IFNGR2: variants seen among roughly 807,000 people sequenced by gnomAD.
The protein encoded by IFNGR2 is interferon gamma receptor 2.
In IFNGR2, 15 loss-of-function variants were observed where a neutral mutation model predicts 41.1. That is an observed-to-expected ratio of 0.37 (90% CI 0.24 to 0.56). The LOEUF (loss-of-function observed/expected upper bound fraction) is 0.56, where lower values mean the gene tolerates loss of function less well. Among genes scored for constraint, IFNGR2 ranks in the 20% least tolerant of loss-of-function variants. The pLI is 0.81. For synonymous variants in IFNGR2, 161 were observed against 171.6 expected, an observed-to-expected ratio of 0.94 and a Z score of 0.48; for missense variants, 362 against 415.7, an observed-to-expected ratio of 0.87 and a Z score of 1.12.
At position 33,410,816 on chromosome 21, in the gene IFNGR2, A is replaced by C. The variant is rs1002406431; in HGVS notation, c.74-4072A>C. The C allele has an allele frequency of 1.6e-5, 24 of 1,496,170 alleles. No homozygotes were observed. The African/African-American group carries it at 2.4e-4, about 15-fold the overall frequency. 92.7% of individuals were successfully genotyped at this position (1,496,170 alleles called of 1,614,324 possible). A position where few individuals can be genotyped will look rare whatever the true frequency, so the allele number is the denominator to read the frequency against. On this transcript the variant is annotated intron_variant, in intron 1 of 6. Transcript: ENST00000290219. ...TGTATTTTTAAAATTCATAACTCATAATCTAAAATTTATGCTCAGCACAGC... is the reference window on the plus strand; with the variant it reads ...TGTATTTTTAAAATTCATAACTCATCATCTAAAATTTATGCTCAGCACAGC...
At position 33,437,062 on chromosome 21, in the gene IFNGR2, T is replaced by C. The variant is rs974750266; in HGVS notation, c.*100T>C. ...CTTTCCAGAGACCAGTATTCCCTTTTGCTGCCTCTAAAAGGCCTGTCCCTG... is the reference window on the plus strand; with the variant it reads ...CTTTCCAGAGACCAGTATTCCCTTTCGCTGCCTCTAAAAGGCCTGTCCCTG... On this transcript the variant is annotated 3_prime_UTR_variant, in exon 7 of 7. Transcript: ENST00000290219. The C allele has an allele frequency of 1.8e-5, 23 of 1,271,380 alleles. No homozygotes were observed. Among genetic ancestry groups the C allele is most frequent in the Non-Finnish European group, 2.4e-5 (21 of 880,986 alleles). The allele number at this position is 1,271,380 out of a possible 1,614,324, so 78.8% of individuals were successfully genotyped here.
intron 1 of IFNGR2, chr21:33,410,779 C>T: frequency 1.6e-6 from 2 of 1,224,762 alleles, no homozygotes; most frequent in Non-Finnish European, 2.4e-6. Flanking sequence ...ATTAGAATAA[C>T]TTTTTACATG....
intron 3 of IFNGR2, among the ~76,000 whole-genome samples, chr21:33,426,413 C>CA (rs2083836242): frequency 1.3e-5 from 2 of 150,560 alleles, no homozygotes; most frequent in Non-Finnish European, 3.0e-5. Context: ...GATTCCATCT[C>CA]AAAAATGAAT....
At chr21:33,427,649 C>T (rs2083850031) in intron 4 of IFNGR2, among the ~76,000 whole-genome samples, 1 of 152,098 alleles carries the variant, frequency 6.6e-6, no homozygotes, top group African/African-American at 2.4e-5. Flanking sequence ...TAGGAAAAAG[C>T]ATCATGGTCT....
At chr21:33,406,180 G>C (rs992845864) in intron 1 of IFNGR2, among the ~76,000 whole-genome samples, 1 of 152,146 alleles carries the variant, frequency 6.6e-6, no homozygotes, top group Non-Finnish European at 1.5e-5. Context: ...CCAGAGACCA[G>C]TGTGGCCAAC....
chr21:33,430,874 T>A (rs1322702637), intron 4 of IFNGR2, among the ~76,000 whole-genome samples: 3 of 152,238 alleles, frequency 2.0e-5, no homozygotes, highest in African/African-American at 7.2e-5. Flanking sequence ...CACCATTTCA[T>A]GTGGCTGTAG....
At chr21:33,416,336 G>A (rs1206292666) in intron 2 of IFNGR2, among the ~76,000 whole-genome samples, 3 of 152,230 alleles carry the variant, frequency 2.0e-5, no homozygotes, top group Non-Finnish European at 4.4e-5. Context: ...ACAGCCAATA[G>A]AAAGGATAAT....
chr21:33,428,077 G>A (rs2083855212), intron 4 of IFNGR2, among the ~76,000 whole-genome samples: 2 of 151,944 alleles, frequency 1.3e-5, no homozygotes, highest in African/African-American at 2.4e-5. Flanking sequence ...AATCCAAGTC[G>A]TTAAGTGGCT....
Position 33,403,562 on chromosome 21 carries a change from T to C in IFNGR2, c.19T>C (p.Trp7Arg), listed in dbSNP as rs1275268702. Residue 7 changes from tryptophan to arginine, a missense_variant, in exon 1 of 7, where the codon TGG becomes CGG. Coordinates refer to ENST00000290219, the MANE Select transcript of IFNGR2 (RefSeq NM_005534.4). ...CGGGGCCATGCGACCGACGCTGCTG[T>C]GGTCGCTGCTGCTGCTGCTCGGAGT... MRPTLL[W>R]SLLLLLGVFA... 7.3e-7 allele frequency: 1 copy of C among 1,360,550 alleles called. No individual in the cohort carries two copies. Among genetic ancestry groups the C allele is most frequent in the Non-Finnish European group, 9.5e-7 (1 of 1,050,840 alleles). The allele number at this position is 1,360,550 out of a possible 1,614,324, so 84.3% of individuals were successfully genotyped here. A position where few individuals can be genotyped will look rare whatever the true frequency, so the allele number is the denominator to read the frequency against.
rs201322939 is a variant in IFNGR2, at chr21:33,432,888, C to CTTT, written c.879+18_879+19insTTT. 50 of 1,341,036 alleles carry CTTT rather than the reference C, an allele frequency of 3.7e-5. 2 individuals are homozygous for CTTT. The highest frequency in any genetic ancestry group is 1.1e-4 in the South Asian group (9 of 79,106). The allele number at this position is 1,341,036 out of a possible 1,614,324, so 83.1% of individuals were successfully genotyped here. ...ATAGAAGAGGTACGTGTGCACACAT[C>CTTT]TCTTTTTTTTTTTTTGAGACAGGGT... On this transcript the variant is annotated intron_variant, in intron 6 of 6. Coordinates refer to ENST00000290219, the MANE Select transcript of IFNGR2 (RefSeq NM_005534.4).
chr21:33,431,167 C>T (rs933472305), intron 4 of IFNGR2, among the ~76,000 whole-genome samples: 4 of 152,198 alleles, frequency 2.6e-5, no homozygotes, highest in African/African-American at 9.6e-5. Context: ...ATAGGAGGCT[C>T]AAGCACATTT....
chr21:33,429,009 A>G (rs749979924), intron 4 of IFNGR2, among the ~76,000 whole-genome samples: 4 of 152,166 alleles, frequency 2.6e-5, no homozygotes, highest in Non-Finnish European at 4.4e-5. Flanking sequence ...GCTCTAATGA[A>G]GAGCACACAG....
intron 2 of IFNGR2, among the ~76,000 whole-genome samples, chr21:33,419,093 TTTTTA>T (rs1472480736): frequency 2.0e-5 from 3 of 152,278 alleles, no homozygotes; most frequent in East Asian, 1.9e-4. Context: ...TTTATTTTAC[TTTTTA>T]TTTTATCTTA....
At chr21:33,415,138 C>T (rs2083745372) in intron 2 of IFNGR2, 118 bp downstream of exon 2, 2 of 1,252,582 alleles carry the variant, frequency 1.6e-6, no homozygotes, top group Non-Finnish European at 2.3e-6. Context: ...CCGTGGGAAA[C>T]ACATCGTTCT....
At chr21:33,420,203 T>C (rs986866264) in intron 2 of IFNGR2, among the ~76,000 whole-genome samples, 1 of 152,146 alleles carries the variant, frequency 6.6e-6, no homozygotes, top group Non-Finnish European at 1.5e-5. Flanking sequence ...TAGAAGCATG[T>C]GTGGTACGTG....
intron 6 of IFNGR2, among the ~76,000 whole-genome samples, chr21:33,435,699 A>G (rs1188980699): frequency 6.6e-6 from 1 of 151,824 alleles, no homozygotes; most frequent in African/African-American, 2.4e-5. Flanking sequence ...CCTGGCCAAC[A>G]GGGTGAAACC....
At chr21:33,420,869 A>G (rs2083786614) in intron 2 of IFNGR2, among the ~76,000 whole-genome samples, 1 of 151,838 alleles carries the variant, frequency 6.6e-6, no homozygotes, top group Non-Finnish European at 1.5e-5. Flanking sequence ...CAACAAGGAG[A>G]GACCCCCAAC....
chr21:33,434,905 AC>A (rs763997196), intron 6 of IFNGR2, among the ~76,000 whole-genome samples: 2 of 152,166 alleles, frequency 1.3e-5, no homozygotes, highest in African/African-American at 2.4e-5. Context: ...TTCCTCTGAG[AC>A]ATGAACAGAA....
chr21:33,432,805 G>A lies in IFNGR2; in HGVS notation c.813G>A (p.Leu271=). ...CAGGAGCCTGTTTCTTCCTGGTCCT[G>A]AAATATAGAGGCCTGATTAAATACT... The part of the protein sequence containing the change: ...VLAGACFFLV[L]KYRGLIKYWF... Residue 271 remains leucine, a synonymous_variant, in exon 6 of 7, where the codon CTG becomes CTA. Coordinates refer to ENST00000290219, the MANE Select transcript of IFNGR2 (RefSeq NM_005534.4). The A allele has an allele frequency of 1.2e-6, 2 of 1,613,856 alleles. No homozygotes were observed. The highest frequency in any genetic ancestry group is 1.7e-6 in the Non-Finnish European group (2 of 1,179,882).
Sources: allele counts gnomAD v4.1 joint callset (sites outside exome capture counted in the v4.1 genomes callset), GRCh38; gene constraint gnomAD v4.1.1; transcripts MANE v1.5; gene names NCBI Gene and HGNC (gene_info 2026-07-23, HGNC 2026-07-21).